ZBTB20: variants seen among roughly 807,000 people sequenced by gnomAD.
The protein encoded by ZBTB20 is zinc finger and BTB domain containing 20, also known as zinc finger and BTB domain-containing protein 20.
In ZBTB20, 9 loss-of-function variants were observed where a neutral mutation model predicts 56.9. The observed-to-expected ratio is 0.16, with a 90% CI of 0.10 to 0.28. The LOEUF (loss-of-function observed/expected upper bound fraction) is 0.28, where lower values mean the gene tolerates loss of function less well. ZBTB20 is among the 10% of genes least tolerant of loss of function. ZBTB20 has a pLI of 1.00. For synonymous variants in ZBTB20, 417 were observed against 420.7 expected, an observed-to-expected ratio of 0.99 and a Z score of 0.11; for missense variants, 655 against 1,003.0, an observed-to-expected ratio of 0.65 and a Z score of 4.69.
At position 114,844,535 on chromosome 3, in the gene ZBTB20, A is replaced by AAAAAC. The variant is rs1184716086; in HGVS notation, c.-416-43362_-416-43361insGTTTT. Among the ~76,000 whole-genome samples the AAAAAC allele has an allele frequency of 3.7e-3, 517 of 139,914 alleles. 27 individuals carry two copies. Among genetic ancestry groups the AAAAAC allele is most frequent in the Admixed American group, 6.3e-3 (87 of 13,782 alleles). 91.8% of individuals were successfully genotyped at this position (139,914 alleles called of 152,430 possible). A position where few individuals can be genotyped will look rare whatever the true frequency, so the allele number is the denominator to read the frequency against. On this transcript the variant is annotated intron_variant, in intron 4 of 11. Coordinates refer to ENST00000675478, the MANE Select transcript of ZBTB20 (RefSeq NM_001348800.3). ...GTCCCTGTCTCAAAAAAAAAAAAAAAAAAAAAAAAAAAAAAAACTTTCATT... is the reference window on the plus strand; with the variant it reads ...GTCCCTGTCTCAAAAAAAAAAAAAAAAAAACAAAAAAAAAAAAAAAAACTTTCATT...
chr3:114,950,087 A>G (rs1230414661), intron 3 of ZBTB20, among the ~76,000 whole-genome samples: 1 of 152,106 alleles, frequency 6.6e-6, no homozygotes, highest in Non-Finnish European at 1.5e-5. Context: ...ACTAAAATGA[A>G]AAAAGACCAA....
rs749797689 is a variant in ZBTB20, at chr3:114,351,457, C to A, written c.621G>T (p.Ser207=). Residue 207 remains serine, a synonymous_variant, in exon 11 of 12, where the codon TCG becomes TCT. Coordinates refer to ENST00000675478, the MANE Select transcript of ZBTB20 (RefSeq NM_001348800.3). Reference sequence around the variant, plus strand: ...GAGTGCCCCGCGGCGTGTCCTGGCCCGAGTCCTGGATCCCCGGGAACACAT... The same window carrying A: ...GAGTGCCCCGCGGCGTGTCCTGGCCAGAGTCCTGGATCCCCGGGAACACAT... The part of the protein sequence containing the change: ...VGDVFPGIQD[S]GQDTPRGTPE... 1 of 1,613,750 alleles carries A rather than the reference C, an allele frequency of 6.2e-7. No individual in the cohort carries two copies. The highest frequency in any genetic ancestry group is 8.5e-7 in the Non-Finnish European group (1 of 1,180,014).
intron 10 of ZBTB20, among the ~76,000 whole-genome samples, chr3:114,358,137 G>GAATAAAAA (rs2081440008): frequency 6.6e-6 from 1 of 152,022 alleles, no homozygotes; most frequent in African/African-American, 2.4e-5. Context: ...GGTATAATTT[G>GAATAAAAA]AATAAAAAAT....
At chr3:114,753,362 A>ACACACACG (rs2067728986) in intron 5 of ZBTB20, among the ~76,000 whole-genome samples, 1 of 78,080 alleles carries the variant, frequency 1.3e-5, no homozygotes, top group East Asian at 4.3e-4. Flanking sequence ...ATTATATATA[A>ACACACACG]TGTATATATA....
rs988066831 is a variant in ZBTB20, at chr3:114,758,223, C to A, written c.-343+42878G>T. On this transcript the variant is annotated intron_variant, in intron 5 of 11. Transcript: ENST00000675478. ...TGTTTCTTAATGTCTATATTTTATA[C>A]ATGGAATTAACCTTCATTTGCACAC... is the stretch of plus-strand genomic sequence containing the variant. 2.0e-5 allele frequency among the ~76,000 whole-genome samples: 3 copies of A among 152,200 alleles called. No individual in the cohort carries two copies. The East Asian group carries it at 5.8e-4, about 29-fold the overall frequency.
chr3:115,050,549 C>T (rs1009917919), intron 2 of ZBTB20, among the ~76,000 whole-genome samples: 2 of 151,958 alleles, frequency 1.3e-5, no homozygotes, highest in African/African-American at 2.4e-5. Flanking sequence ...AATTTTAATA[C>T]ATTTTATAAA....
intron 7 of ZBTB20, among the ~76,000 whole-genome samples, chr3:114,422,408 A>G (rs760474871): frequency 7.2e-5 from 11 of 151,938 alleles, no homozygotes; most frequent in Non-Finnish European, 1.3e-4. Flanking sequence ...TTGTGAATAT[A>G]CTGCAACCGG....
At chr3:114,525,630 C>T (rs1229264978) in intron 6 of ZBTB20, among the ~76,000 whole-genome samples, 2 of 152,162 alleles carry the variant, frequency 1.3e-5, no homozygotes, top group Non-Finnish European at 2.9e-5. Flanking sequence ...CTAATTGTTT[C>T]ATATGGGTTA....
At chr3:114,961,565 T>G (rs1374918269) in intron 3 of ZBTB20, among the ~76,000 whole-genome samples, 2 of 152,116 alleles carry the variant, frequency 1.3e-5, no homozygotes, top group African/African-American at 4.8e-5. Context: ...TTGTTCTAAT[T>G]GATGAATCTT....
At chr3:114,932,213 A>G (rs566252668) in intron 3 of ZBTB20, among the ~76,000 whole-genome samples, 2 of 152,316 alleles carry the variant, frequency 1.3e-5, no homozygotes, top group South Asian at 4.1e-4. Context: ...ATCACCTGTA[A>G]CCACCTGTAA....
intron 3 of ZBTB20, among the ~76,000 whole-genome samples, chr3:114,941,506 T>C (rs2107853820): frequency 6.8e-6 from 1 of 146,120 alleles, no homozygotes; most frequent in South Asian, 2.1e-4. Flanking sequence ...AACAGACACC[T>C]GGTAAGCGGG....
At chr3:114,678,807 C>A (rs2061790447) in intron 6 of ZBTB20, among the ~76,000 whole-genome samples, 6 of 152,124 alleles carry the variant, frequency 3.9e-5, no homozygotes, top group Admixed American at 3.3e-4. Flanking sequence ...AGATACATTT[C>A]TAGTCCATCT....
chr3:114,925,235 C>A lies in ZBTB20; in HGVS notation c.-455-24893G>T, dbSNP rs561705279. Among the ~76,000 whole-genome samples, 20 of 152,116 alleles carry A rather than the reference C, an allele frequency of 1.3e-4. 1 individual carries two copies. The South Asian group carries it at 1.7e-3, about 13-fold the overall frequency. ...TTGACCCTGTGATCCGCCCCCTCAG[C>A]CTCCCAAAGTGCTGAGATTACAGGT... is the stretch of plus-strand genomic sequence containing the variant. On this transcript the variant is annotated intron_variant, in intron 3 of 11. Coordinates refer to ENST00000675478, the MANE Select transcript of ZBTB20 (RefSeq NM_001348800.3).
At chr3:114,689,446 G>A (rs1358648658) in intron 6 of ZBTB20, among the ~76,000 whole-genome samples, 2 of 152,090 alleles carry the variant, frequency 1.3e-5, no homozygotes, top group African/African-American at 4.8e-5. Flanking sequence ...TTAACTGGGG[G>A]AAAGGAGGTG....
intron 7 of ZBTB20, among the ~76,000 whole-genome samples, chr3:114,466,030 A>G (rs765459674): frequency 6.6e-5 from 10 of 152,072 alleles, no homozygotes; most frequent in Non-Finnish European, 1.0e-4. Flanking sequence ...ATATATATGC[A>G]GGAAACTCAC....
In ZBTB20 at chr3:114,818,573, A is replaced by G. The variant is rs2073072108; in HGVS notation, c.-416-17399T>C. Among the ~76,000 whole-genome samples the G allele has an allele frequency of 2.0e-5, 3 of 152,044 alleles. No homozygotes were observed. The South Asian group carries it at 6.2e-4, about 31-fold the overall frequency. On this transcript the variant is annotated intron_variant, in intron 4 of 11. Coordinates refer to ENST00000675478, the MANE Select transcript of ZBTB20 (RefSeq NM_001348800.3). ...TACATCTCAAGAAAAGTCTATGTCC[A>G]TGAGTTACAATTGGACAATATTTAC...
chr3:115,136,691 A>G (rs1039049310), intron 1 of ZBTB20, among the ~76,000 whole-genome samples: 4 of 152,106 alleles, frequency 2.6e-5, no homozygotes, highest in Non-Finnish European at 5.9e-5. Flanking sequence ...TGGCTCTTAT[A>G]CACTTTGGTA....
intron 6 of ZBTB20, among the ~76,000 whole-genome samples, chr3:114,587,374 G>C (rs901744728): frequency 6.6e-6 from 1 of 152,116 alleles, no homozygotes; most frequent in Non-Finnish European, 1.5e-5. Flanking sequence ...ATCTGGGGAA[G>C]CAAGTCAAAG....
At chr3:114,512,157 A>ATGCTTACCTATGGGTG (rs2045475063) in intron 6 of ZBTB20, among the ~76,000 whole-genome samples, 2 of 151,822 alleles carry the variant, frequency 1.3e-5, no homozygotes, top group African/African-American at 4.8e-5. Context: ...AGACAATAAA[A>ATGCTTACCTATGGGTG]TAGACAGGGA....
Sources: gnomAD v4.1 joint callset for allele counts (sites outside exome capture counted in the v4.1 genomes callset) on GRCh38, gnomAD v4.1.1 for gene constraint, MANE v1.5 for transcripts, NCBI Gene and HGNC (gene_info 2026-07-23, HGNC 2026-07-21) for gene names.